RASAL2: variants seen among roughly 807,000 people sequenced by gnomAD.
RASAL2 encodes the protein RAS protein activator like 2.
In RASAL2, 58 loss-of-function variants were observed where a neutral mutation model predicts 128.9. The ratio of observed to expected loss-of-function variants is 0.45; its 90% CI spans 0.36 to 0.56. RASAL2 has a LOEUF of 0.56. Ranked by LOEUF, RASAL2 falls within the 20% of genes least tolerant of loss-of-function variation. The pLI is 0.00. For synonymous variants in RASAL2, 561 were observed against 580.8 expected (o/e 0.97, Z 0.49); for missense variants, 1,360 against 1,601.6 (o/e 0.85, Z 2.57).
intron 1 of RASAL2, among the ~76,000 whole-genome samples, chr1:178,282,969 T>G (rs1398605438): frequency 6.6e-6 from 1 of 152,174 alleles, no homozygotes; most frequent in Non-Finnish European, 1.5e-5. Flanking sequence ...TAATATCGGG[T>G]ACCTCCACCT....
intron 3 of RASAL2, among the ~76,000 whole-genome samples, chr1:178,366,344 AG>A (rs1282787916): frequency 6.6e-6 from 1 of 152,206 alleles, no homozygotes; most frequent in Non-Finnish European, 1.5e-5. Flanking sequence ...CACCAACTTT[AG>A]TTATCAGTTT....
chr1:178,427,810 C>T (rs1675616135), intron 5 of RASAL2, among the ~76,000 whole-genome samples: 1 of 152,012 alleles, frequency 6.6e-6, no homozygotes, highest in Admixed American at 6.6e-5. Context: ...GTGTGTAGTT[C>T]TGTCCAATTT....
chr1:178,219,934 T>C (rs919854182), intron 1 of RASAL2, among the ~76,000 whole-genome samples: 7 of 151,824 alleles, frequency 4.6e-5, no homozygotes, highest in African/African-American at 1.7e-4. Flanking sequence ...TAGGGGCGGG[T>C]GGATCCCTCG....
At chr1:178,210,667 T>A (rs1489305791) in intron 1 of RASAL2, among the ~76,000 whole-genome samples, 1 of 152,242 alleles carries the variant, frequency 6.6e-6, no homozygotes, top group Non-Finnish European at 1.5e-5. Flanking sequence ...TTATGGTGCA[T>A]GTGCCATATT....
chr1:178,208,925 GA>G, intron 1 of RASAL2, among the ~76,000 whole-genome samples: 1 of 152,022 alleles, frequency 6.6e-6, no homozygotes, highest in African/African-American at 2.4e-5. Context: ...AAAATAGAAA[GA>G]ACCTACATTG....
chr1:178,375,879 G>GA (rs1215285773), intron 3 of RASAL2, among the ~76,000 whole-genome samples: 1 of 152,064 alleles, frequency 6.6e-6, no homozygotes, highest in Non-Finnish European at 1.5e-5. Flanking sequence ...CATCCAGACA[G>GA]AAAAAACAGT....
intron 3 of RASAL2, among the ~76,000 whole-genome samples, chr1:178,375,969 G>C (rs1247170899): frequency 6.6e-6 from 1 of 152,086 alleles, no homozygotes; most frequent in Non-Finnish European, 1.5e-5. Flanking sequence ...AGCATCTGTA[G>C]GTCATCTGCT....
chr1:178,385,431 A>G (rs1432827320), intron 3 of RASAL2, among the ~76,000 whole-genome samples: 1 of 152,186 alleles, frequency 6.6e-6, no homozygotes, highest in Admixed American at 6.5e-5. Context: ...TCTTAAAAAA[A>G]AGAAAGAAAA....
At chr1:178,343,283 G>C (rs954581108) in intron 3 of RASAL2, among the ~76,000 whole-genome samples, 1 of 152,150 alleles carries the variant, frequency 6.6e-6, no homozygotes, top group African/African-American at 2.4e-5. Context: ...GGCTATATCG[G>C]AAACCAAATT....
At chr1:178,330,702 G>A (rs1248999093) in intron 3 of RASAL2, among the ~76,000 whole-genome samples, 2 of 152,102 alleles carry the variant, frequency 1.3e-5, no homozygotes, top group Non-Finnish European at 2.9e-5. Flanking sequence ...GGGTCCTAGT[G>A]AGTGGAGCAG....
chr1:178,150,950 T>TATCATATGGTGATATG (rs1660893608), intron 1 of RASAL2, among the ~76,000 whole-genome samples: 1 of 152,178 alleles, frequency 6.6e-6, no homozygotes, highest in Non-Finnish European at 1.5e-5. Flanking sequence ...GTGATATGGT[T>TATCATATGGTGATATG]GTTTAAATGG....
At chr1:178,125,286 A>G (rs1296865356) in intron 1 of RASAL2, 1 of 152,152 alleles carries the variant, frequency 6.6e-6, no homozygotes, top group Non-Finnish European at 1.5e-5. Context: ...AATATATTTT[A>G]CTACCTTATT....
chr1:178,236,829 T>C (rs1386767594), intron 1 of RASAL2, among the ~76,000 whole-genome samples: 2 of 149,672 alleles, frequency 1.3e-5, no homozygotes, highest in African/African-American at 4.9e-5. Flanking sequence ...AGTGGTGCGA[T>C]CTCGGCTCAC....
chr1:178,314,702 A>C (rs1401302816), intron 3 of RASAL2, among the ~76,000 whole-genome samples: 1 of 152,128 alleles, frequency 6.6e-6, no homozygotes, highest in Admixed American at 6.5e-5. Context: ...CTTGTTCAAT[A>C]CTAGTTGTAA....
intron 4 of RASAL2, among the ~76,000 whole-genome samples, chr1:178,401,839 C>T (rs1268938118): frequency 6.6e-6 from 1 of 151,896 alleles, no homozygotes; most frequent in Non-Finnish European, 1.5e-5. Context: ...TTAAAAAGGC[C>T]CTGAGCTTTT....
intron 7 of RASAL2, 65 bp downstream of exon 7, chr1:178,441,712 AGT>A: frequency 7.9e-7 from 1 of 1,260,566 alleles, no homozygotes; most frequent in Non-Finnish European, 1.1e-6. Flanking sequence ...ATAGAAGGTA[AGT>A]GTGGTAGTAA....
intron 1 of RASAL2, among the ~76,000 whole-genome samples, chr1:178,199,858 C>G (rs554017705): frequency 6.6e-6 from 1 of 152,302 alleles, no homozygotes; most frequent in South Asian, 2.1e-4. Flanking sequence ...AACCCTCAAT[C>G]TGGGTGGGCA....
chr1:178,255,309 TA>T (rs1277340851), intron 1 of RASAL2, among the ~76,000 whole-genome samples: 20 of 152,094 alleles, frequency 1.3e-4, no homozygotes, highest in Admixed American at 1.3e-3. Context: ...AAAGATAGTA[TA>T]AATGCTTATT....
At chr1:178,308,538 G>C (rs1206970911) in intron 3 of RASAL2, among the ~76,000 whole-genome samples, 2 of 146,036 alleles carry the variant, frequency 1.4e-5, no homozygotes, top group Non-Finnish European at 3.0e-5. Flanking sequence ...TCAAACATTA[G>C]CTTTTTTTTT....
Sources: allele counts gnomAD v4.1 joint callset (sites outside exome capture counted in the v4.1 genomes callset), GRCh38; gene constraint gnomAD v4.1.1; transcripts MANE v1.5; gene names NCBI Gene and HGNC (gene_info 2026-07-23, HGNC 2026-07-21).